Variants in PLK3 observed in about 807,000 individuals in gnomAD.
PLK3 encodes the protein serine/threonine-protein kinase PLK3.
PLK3 carries 41 observed loss-of-function variants against 71.6 expected under a neutral mutation model. The observed-to-expected ratio is 0.57, with a 90% CI of 0.45 to 0.74. PLK3 has a LOEUF of 0.74. Ranked by LOEUF, PLK3 falls within the 30% of genes least tolerant of loss-of-function variation. The pLI, the probability that PLK3 is intolerant of heterozygous loss-of-function variation, is 0.00. For synonymous variants in PLK3, 366 were observed against 355.4 expected, an observed-to-expected ratio of 1.03 and a Z score of -0.33; for missense variants, 791 against 875.6, an observed-to-expected ratio of 0.90 and a Z score of 1.22.
Position 44,803,011 on chromosome 1 carries a change from A to C in PLK3, c.806A>C (p.Tyr269Ser). 6.2e-7 allele frequency: 1 copy of C among 1,613,962 alleles called. No homozygotes were observed. Among genetic ancestry groups the C allele is most frequent in the Non-Finnish European group, 8.5e-7 (1 of 1,179,974 alleles). Residue 269 changes from tyrosine to serine, a missense_variant, in exon 7 of 15, where the codon TAC becomes TCC. Coordinates refer to ENST00000372201, the MANE Select transcript of PLK3 (RefSeq NM_004073.4). This position sits in a 1 kb window ranked among gnomAD's most constrained non-coding sequence, Gnocchi z 4.3. ...GAGACGGCTGACCTGAAGGAGACGTACCGCTGCATCAAGCAGGTTCACTAC... is the reference window on the plus strand; with the variant it reads ...GAGACGGCTGACCTGAAGGAGACGTCCCGCTGCATCAAGCAGGTTCACTAC... ...PFETADLKET[Y>S]RCIKQVHYTL...
rs1186013971 is a variant in PLK3, at chr1:44,804,634, T to C, written c.1506-16T>C. On this transcript the variant is annotated splice_polypyrimidine_tract_variant and intron_variant, in intron 12 of 14. Coordinates refer to ENST00000372201, the MANE Select transcript of PLK3 (RefSeq NM_004073.4). ...TTGGTGCAGGGCTCCCTCTGACCTC[T>C]GCCTCCCCATTCTAGGACTGTGCAC... 1 of 1,611,796 alleles carries C rather than the reference T, an allele frequency of 6.2e-7. No individual in the cohort carries two copies. Among genetic ancestry groups the C allele is most frequent in the African/African-American group, 1.3e-5 (1 of 74,902 alleles).
At chr1:44,805,115 AAAT>A in intron 13 of PLK3, 148 bp from the exon 14 acceptor site, 9 of 610,902 alleles carry the variant, frequency 1.5e-5, no homozygotes, top group Non-Finnish European at 2.0e-5. Context: ...CAAAAAAAAA[AAAT>A]AAAGAAAAGA....
rs200770304 is a variant in PLK3 at position 44,805,475 on chromosome 1, C to G, written c.1750-12C>G. On this transcript the variant is annotated splice_polypyrimidine_tract_variant and intron_variant, in intron 14 of 14. Coordinates refer to ENST00000372201, the MANE Select transcript of PLK3 (RefSeq NM_004073.4). ...AGCCTAGGTCCTGACCACTGTCATG[C>G]TCTGTGTGCAGGTGAACTTCTACGG... 20 of 1,613,658 alleles carry G rather than the reference C, an allele frequency of 1.2e-5. No individual in the cohort carries two copies. Among genetic ancestry groups the G allele is most frequent in the Admixed American group, 1.7e-5 (1 of 60,010 alleles).
rs752756677 is a variant in PLK3, at chr1:44,803,244, T to C, written c.949-24T>C. The C allele has an allele frequency of 1.2e-6, 2 of 1,613,350 alleles. No individual in the cohort carries two copies. The highest frequency in any genetic ancestry group is 1.7e-5 in the Admixed American group (1 of 59,954). On this transcript the variant is annotated intron_variant, in intron 7 of 14. Coordinates refer to ENST00000372201, the MANE Select transcript of PLK3 (RefSeq NM_004073.4). The surrounding 1 kb of genome is among the most constrained non-coding windows in gnomAD (Gnocchi z 4.3). ...CAGGACCCCTGGAGCCTCTCTTCTCTGTTCACATGGTTCCCCTCCCTAGGG... is the reference window on the plus strand; with the variant it reads ...CAGGACCCCTGGAGCCTCTCTTCTCCGTTCACATGGTTCCCCTCCCTAGGG...
In PLK3 at chr1:44,802,774, C is replaced by A. The variant is rs769240296; in HGVS notation, c.668C>A (p.Thr223Asn). ...CCCTCTTTCAGGACCATCTGTGGCACCCCCAACTATGTGGCTCCAGAAGTG... is the reference window on the plus strand; with the variant it reads ...CCCTCTTTCAGGACCATCTGTGGCAACCCCAACTATGTGGCTCCAGAAGTG... ...PEQRKKTICG[T>N]PNYVAPEVLL... Residue 223 changes from threonine to asparagine, a missense_variant, in exon 6 of 15, where the codon ACC becomes AAC. Coordinates refer to ENST00000372201, the MANE Select transcript of PLK3 (RefSeq NM_004073.4). The A allele has an allele frequency of 6.2e-7, 1 of 1,612,912 alleles. No individual in the cohort carries two copies. Among genetic ancestry groups the A allele is most frequent in the Non-Finnish European group, 8.5e-7 (1 of 1,179,418 alleles).
intron 5 of PLK3, 61 bp downstream of exon 5, chr1:44,801,993 A>T: frequency 7.8e-7 from 1 of 1,289,926 alleles, no homozygotes; most frequent in Non-Finnish European, 1.1e-6. Context: ...TAGACAGTGC[A>T]TATGTATGTG....
rs151278318 is a variant in PLK3, at chr1:44,805,575, G to C, written c.1838G>C (p.Cys613Ser). 8 of 1,614,222 alleles carry C rather than the reference G, an allele frequency of 5.0e-6. No homozygotes were observed. In the East Asian group the frequency reaches 1.6e-4, roughly 31 times the overall value. Residue 613 changes from cysteine to serine, a missense_variant, in exon 15 of 15, where the codon TGT (cysteine) becomes TCT (serine). Physicochemically the swap from Cys to Ser is moderately radical, Grantham distance 112 (BLOSUM62 -1). Coordinates refer to ENST00000372201, the MANE Select transcript of PLK3 (RefSeq NM_004073.4). Reference sequence around the variant, plus strand: ...TTTGTGGCCCGAAATCGTAGTGCTTGTACTTACCTCGCTTCCCACCTTCGG... The same window carrying C: ...TTTGTGGCCCGAAATCGTAGTGCTTCTACTTACCTCGCTTCCCACCTTCGG... ...VTFVARNRSA[C>S]TYLASHLRQL...
Position 44,804,673 on chromosome 1 carries a change from G to C in PLK3, c.1529G>C (p.Ser510Thr). The C allele has an allele frequency of 6.2e-7, 1 of 1,614,062 alleles. No homozygotes were observed. The highest frequency in any genetic ancestry group is 1.1e-5 in the South Asian group (1 of 91,074). Residue 510 changes from serine to threonine, a missense_variant, in exon 13 of 15, where the codon AGC becomes ACC. Coordinates refer to ENST00000372201, the MANE Select transcript of PLK3 (RefSeq NM_004073.4). ...AGGACTGTGCACTACAATCCCACCA[G>C]CACAAAGCACTTCTCCTTCTCCGTG... Reference protein sequence around the residue: ...NRKTVHYNPTSTKHFSFSVGA... With the variant: ...NRKTVHYNPTTTKHFSFSVGA...
At chr1:44,801,483 C>T in intron 3 of PLK3, 139 bp from the exon 4 acceptor site, 1 of 891,566 alleles carries the variant, frequency 1.1e-6, no homozygotes, top group Non-Finnish European at 1.7e-6. Context: ...GCTGGGATTA[C>T]AGGCGTGAGC....
At position 44,803,150 on chromosome 1, in the gene PLK3, C is replaced by A; in HGVS notation, c.945C>A (p.Thr315=). The A allele has an allele frequency of 6.2e-7, 1 of 1,613,872 alleles. No individual in the cohort carries two copies. The highest frequency in any genetic ancestry group is 8.5e-7 in the Non-Finnish European group (1 of 1,179,938). Residue 315 remains threonine (T), a synonymous_variant, in exon 7 of 15, where the codon ACC becomes ACA. Transcript: ENST00000372201. The surrounding 1 kb of genome is among the most constrained non-coding windows in gnomAD (Gnocchi z 4.3). ...AGATCCTGCGCCATGACTTCTTTACCAAGGTCTGTGGCTCCCCAGACCTCT... is the reference window on the plus strand; with the variant it reads ...AGATCCTGCGCCATGACTTCTTTACAAAGGTCTGTGGCTCCCCAGACCTCT... The part of the protein sequence containing the change: ...IDQILRHDFF[T]KGYTPDRLPI...
In PLK3 at chr1:44,803,679, T is replaced by G. The variant is rs780954479; in HGVS notation, c.1152T>G (p.Asp384Glu). The G allele has an allele frequency of 3.7e-6, 6 of 1,612,638 alleles. No homozygotes were observed. The highest frequency in any genetic ancestry group is 3.4e-6 in the Non-Finnish European group (4 of 1,179,132). The stretch of plus-strand genomic sequence containing the variant: ...TGCGCACATCCGTTGGCCATCAGGA[T>G]GCCAGGCCAGAGGTGAGGCGCTCAG... ...GLMRTSVGHQDARPEAPAASG... is the reference protein window; with the variant it reads ...GLMRTSVGHQEARPEAPAASG... Residue 384 changes from aspartate (D) to glutamate (E), a missense_variant, in exon 9 of 15, where the codon GAT (aspartate) becomes GAG (glutamate). Transcript: ENST00000372201. The surrounding 1 kb of genome is among the most constrained non-coding windows in gnomAD (Gnocchi z 4.3).
chr1:44,803,863 C>T lies in PLK3; in HGVS notation c.1165-68C>T. The T allele has an allele frequency of 7.8e-7, 1 of 1,281,624 alleles. No individual in the cohort carries two copies. The highest frequency in any genetic ancestry group is 1.1e-6 in the Non-Finnish European group (1 of 904,864). 79.4% of individuals were successfully genotyped at this position (1,281,624 alleles called of 1,614,324 possible). On this transcript the variant is annotated intron_variant, in intron 9 of 14. Coordinates refer to ENST00000372201, the MANE Select transcript of PLK3 (RefSeq NM_004073.4). The surrounding 1 kb of genome is among the most constrained non-coding windows in gnomAD (Gnocchi z 4.3). ...GGTGCCCTGGGAGCCAGGGCAGGGC[C>T]AGGCCATGGACTCAAGGGTTTGGAT... is the stretch of plus-strand genomic sequence containing the variant.
intron 13 of PLK3, 40 bp downstream of exon 13, chr1:44,804,819 A>C: frequency 2.5e-6 from 4 of 1,603,422 alleles, no homozygotes; most frequent in Non-Finnish European, 2.6e-6. Flanking sequence ...AACCTAACCC[A>C]TCCTGGCCGG....
chr1:44,800,897 G>A lies in PLK3; in HGVS notation c.268G>A (p.Val90Ile). ...TDTETGSAYA[V>I]KVIPQSRVAK... is the part of the protein sequence containing the mutation. The stretch of plus-strand genomic sequence containing the variant: ...CACAGAGACTGGCAGCGCCTACGCT[G>A]TCAAAGTCATCCCGCAGAGCCGCGT... The change falls in exon 2 of 15, where the codon GTC (valine) becomes ATC (isoleucine). Residue 90 changes from valine (V) to isoleucine (I), a missense_variant. Val to Ile is a conservative substitution (Grantham distance 29). Coordinates refer to ENST00000372201, the MANE Select transcript of PLK3 (RefSeq NM_004073.4). The surrounding 1 kb of genome is among the most constrained non-coding windows in gnomAD (Gnocchi z 6.5). The A allele has an allele frequency of 6.2e-7, 1 of 1,612,304 alleles. No individual in the cohort carries two copies. The highest frequency in any genetic ancestry group is 1.3e-5 in the African/African-American group (1 of 75,044).
Position 44,803,636 on chromosome 1 carries a change from G to T in PLK3, c.1109G>T (p.Gly370Val). 6.2e-7 allele frequency: 1 copy of T among 1,614,088 alleles called. No homozygotes were observed. Among genetic ancestry groups the T allele is most frequent in the Non-Finnish European group, 8.5e-7 (1 of 1,179,968 alleles). Residue 370 changes from glycine to valine, a missense_variant, in exon 9 of 15, where the codon GGT becomes GTT. Physicochemically the swap from Gly to Val is moderately radical, Grantham distance 109. Transcript: ENST00000372201. This position sits in a 1 kb window ranked among gnomAD's most constrained non-coding sequence, Gnocchi z 4.3. ...GCCCAGGAGAGGGATGAGGTCTCCGGTTTGGTGAGCGGCCTCATGCGCACA... is the reference window on the plus strand; with the variant it reads ...GCCCAGGAGAGGGATGAGGTCTCCGTTTTGGTGAGCGGCCTCATGCGCACA... ...NHAQERDEVSGLVSGLMRTSV... is the reference protein window; with the variant it reads ...NHAQERDEVSVLVSGLMRTSV...
At chr1:44,805,036 G>T in intron 13 of PLK3, 1 of 580,084 alleles carries the variant, frequency 1.7e-6, no homozygotes, top group South Asian at 2.1e-5. Flanking sequence ...CCCAGGAGGC[G>T]GAGCTTGCAG....
chr1:44,805,988 G>A lies in PLK3; in HGVS notation c.*310G>A, dbSNP rs768549589. 2.6e-6 allele frequency: 4 copies of A among 1,527,098 alleles called. No individual in the cohort carries two copies. The highest frequency in any genetic ancestry group is 2.6e-6 in the Non-Finnish European group (3 of 1,135,752). The allele number at this position is 1,527,098 out of a possible 1,614,324, so 94.6% of individuals were successfully genotyped here. A position where few individuals can be genotyped will look rare whatever the true frequency, so the allele number is the denominator to read the frequency against. On this transcript the variant is annotated 3_prime_UTR_variant, in exon 15 of 15. Coordinates refer to ENST00000372201, the MANE Select transcript of PLK3 (RefSeq NM_004073.4). ...TCCTAGGATAATAAACAATTTTGCAGAATTGGACTCCCCCTCACTCGCAGT... is the reference window on the plus strand; with the variant it reads ...TCCTAGGATAATAAACAATTTTGCAAAATTGGACTCCCCCTCACTCGCAGT...
At position 44,805,591 on chromosome 1, in the gene PLK3, C is replaced by T. The variant is rs1023879757; in HGVS notation, c.1854C>T (p.Ser618=). 3 of 1,614,230 alleles carry T rather than the reference C, an allele frequency of 1.9e-6. No individual in the cohort carries two copies. In the East Asian group the frequency reaches 6.7e-5, roughly 36 times the overall value. ...RNRSACTYLA[S]HLRQLGCSPD... ...GTAGTGCTTGTACTTACCTCGCTTC[C>T]CACCTTCGGCAGCTGGGCTGCTCTC... The change falls in exon 15 of 15, where the codon TCC becomes TCT. Residue 618 remains serine (S), a synonymous_variant. Coordinates refer to ENST00000372201, the MANE Select transcript of PLK3 (RefSeq NM_004073.4).
At chr1:44,804,273 C>G in intron 11 of PLK3, 27 bp downstream of exon 11, 1 of 1,612,496 alleles carries the variant, frequency 6.2e-7, no homozygotes, top group Non-Finnish European at 8.5e-7. Flanking sequence ...GTACATGCTG[C>G]TGTGGTGGGA....
Sources: allele counts gnomAD v4.1 joint callset, GRCh38; gene constraint gnomAD v4.1.1; non-coding constraint Gnocchi (gnomAD v3.1); transcripts MANE v1.5; gene names NCBI Gene and HGNC (gene_info 2026-07-23, HGNC 2026-07-21).